CCDC88A: variants seen among roughly 807,000 people sequenced by gnomAD.
CCDC88A encodes girdin.
A neutral mutation model predicts 234.3 loss-of-function variants in CCDC88A; 54 were observed. The ratio of observed to expected loss-of-function variants is 0.23; its 90% CI spans 0.19 to 0.29. The LOEUF (loss-of-function observed/expected upper bound fraction) is 0.29, where lower values mean the gene tolerates loss of function less well. CCDC88A is among the 10% of genes least tolerant of loss of function. The pLI, the probability that CCDC88A is intolerant of heterozygous loss-of-function variation, is 1.00. For synonymous variants in CCDC88A, 753 were observed against 737.8 expected, an observed-to-expected ratio of 1.02 and a Z score of -0.33; for missense variants, 1,832 against 2,123.4, an observed-to-expected ratio of 0.86 and a Z score of 2.70.
intron 2 of CCDC88A, 62 bp from the exon 3 acceptor site, chr2:55,388,948 T>C (rs1383898780): frequency 2.1e-6 from 1 of 478,956 alleles, no homozygotes; most frequent in Non-Finnish European, 3.6e-6. Context: ...CTATATATAA[T>C]TAAAATTAAT....
At chr2:55,381,837 C>A (rs1674657818) in intron 3 of CCDC88A, among the ~76,000 whole-genome samples, 1 of 152,148 alleles carries the variant, frequency 6.6e-6, no homozygotes, top group South Asian at 2.1e-4. Context: ...AACACTGTTA[C>A]TAAAACTGCA....
In CCDC88A at chr2:55,343,668, CTGG is replaced by C; in HGVS notation, c.1310_1312del (p.Ser437_Arg438delinsTer). The C allele has an allele frequency of 6.2e-7, 1 of 1,607,776 alleles. No individual in the cohort carries two copies. Among genetic ancestry groups the C allele is most frequent in the Non-Finnish European group, 8.5e-7 (1 of 1,177,668 alleles). On this transcript the variant is annotated stop_gained and inframe_deletion, in exon 12 of 33. Transcript: ENST00000436346. LOFTEE classifies it high-confidence loss of function. ...AATACCTTCGGAAAGTTCACTAGTT[CTGG>C]ATATCTGTTCCAGTTCCCAGCCAAG...
intron 5 of CCDC88A, among the ~76,000 whole-genome samples, chr2:55,367,193 G>C (rs1285756069): frequency 3.3e-5 from 5 of 152,132 alleles, no homozygotes; most frequent in Non-Finnish European, 5.9e-5. Flanking sequence ...GAGGTACCTA[G>C]AACAATCGAA....
rs1290479613 is a variant in CCDC88A at position 55,295,826 on chromosome 2, T to C, written c.5322A>G (p.Thr1774=). 6.2e-7 allele frequency: 1 copy of C among 1,614,092 alleles called. No individual in the cohort carries two copies. Among genetic ancestry groups the C allele is most frequent in the South Asian group, 1.1e-5 (1 of 91,074 alleles). Residue 1774 remains threonine (T), a synonymous_variant, in exon 31 of 33, where the codon ACA becomes ACG. Coordinates refer to ENST00000436346, the MANE Select transcript of CCDC88A (RefSeq NM_001365480.1). ...TYFISSAGKP[T]PGTQGKIKLV... is the part of the protein sequence containing the mutation. Reference sequence around the variant, plus strand: ...ATTTTATTTTTCCTTGAGTGCCTGGTGTAGGTTTTCCCGCAGAACTAATGA... The same window carrying C: ...ATTTTATTTTTCCTTGAGTGCCTGGCGTAGGTTTTCCCGCAGAACTAATGA...
chr2:55,341,376 GATCTGCCCGCCTCGGCCTCCC>G (rs1165196574), intron 12 of CCDC88A, among the ~76,000 whole-genome samples: 1 of 151,320 alleles, frequency 6.6e-6, no homozygotes, highest in Non-Finnish European at 1.5e-5. Context: ...TTGACCTCGT[GATCTGCCCGCCTCGGCCTCCC>G]AGAGTGCTGG....
intron 4 of CCDC88A, among the ~76,000 whole-genome samples, chr2:55,373,994 T>A (rs982135684): frequency 1.1e-4 from 16 of 152,204 alleles, no homozygotes; most frequent in Admixed American, 5.9e-4. Context: ...AAATGTGGTA[T>A]AAAGGGCAGA....
intron 5 of CCDC88A, among the ~76,000 whole-genome samples, chr2:55,370,641 CAAAA>C (rs567431857): frequency 1.1e-4 from 5 of 47,530 alleles, no homozygotes; most frequent in Non-Finnish European, 1.3e-4. Context: ...AACTCTGTCT[CAAAA>C]AAAAAAAAAA....
chr2:55,418,987 A>G, intron 1 of CCDC88A, 30 bp downstream of exon 1: 2 of 1,604,690 alleles, frequency 1.2e-6, no homozygotes, highest in Non-Finnish European at 8.5e-7. Flanking sequence ...ATAACTCAGC[A>G]AAATATACAA....
intron 27 of CCDC88A, chr2:55,301,516 T>A (rs1189498057): frequency 2.0e-6 from 1 of 505,906 alleles, no homozygotes; most frequent in Non-Finnish European, 3.4e-6. Flanking sequence ...CCTCTGACCC[T>A]GCAAAGCAAA....
At chr2:55,341,140 CTTTTTTTTTTTT>C (rs562623314) in intron 12 of CCDC88A, among the ~76,000 whole-genome samples, 4 of 81,364 alleles carry the variant, frequency 4.9e-5, no homozygotes, top group Non-Finnish European at 1.0e-4. Context: ...GAATTTCTTT[CTTTTTTTTTTTT>C]TTTTTTTTTT....
chr2:55,312,591 C>A lies in CCDC88A; in HGVS notation c.3934-12G>T. On this transcript the variant is annotated splice_polypyrimidine_tract_variant and intron_variant, in intron 22 of 32. Transcript: ENST00000436346. Reference sequence around the variant, plus strand: ...AGTTGGCTTAGCAACTGTTTAAACACAAACATTTTTTAAAAAATCAACATT... The same window carrying A: ...AGTTGGCTTAGCAACTGTTTAAACAAAAACATTTTTTAAAAAATCAACATT... 6.3e-7 allele frequency: 1 copy of A among 1,584,088 alleles called. No homozygotes were observed. Among genetic ancestry groups the A allele is most frequent in the Admixed American group, 1.8e-5 (1 of 56,978 alleles).
At chr2:55,321,686 T>C (rs1683654575) in intron 18 of CCDC88A, among the ~76,000 whole-genome samples, 1 of 152,114 alleles carries the variant, frequency 6.6e-6, no homozygotes, top group South Asian at 2.1e-4. Context: ...TTGAGACATC[T>C]CCAATATAAT....
At chr2:55,350,120 T>C (rs1199171515) in intron 8 of CCDC88A, 2 of 152,430 alleles carry the variant, frequency 1.3e-5, no homozygotes, top group Admixed American at 1.3e-4. Flanking sequence ...GGTTTCACCA[T>C]GTTACTCAGG....
Position 55,309,108 on chromosome 2 carries a change from ATAACC to A in CCDC88A, c.4172+49_4172+53del. The A allele has an allele frequency of 7.0e-7, 1 of 1,434,126 alleles. No individual in the cohort carries two copies. The highest frequency in any genetic ancestry group is 1.4e-5 in the African/African-American group (1 of 70,800). The allele number at this position is 1,434,126 out of a possible 1,614,324, so 88.8% of individuals were successfully genotyped here. ...AGTAGAAGTCATCACAATATTAGAA[ATAACC>A]TAGTGTTTTTTTTCAGAATAAGAAT... On this transcript the variant is annotated intron_variant, in intron 24 of 32. Coordinates refer to ENST00000436346, the MANE Select transcript of CCDC88A (RefSeq NM_001365480.1). This position sits in a 1 kb window ranked among gnomAD's most constrained non-coding sequence, Gnocchi z 5.1.
At chr2:55,298,779 G>A (rs1005266080) in intron 29 of CCDC88A, among the ~76,000 whole-genome samples, 21 of 150,210 alleles carry the variant, frequency 1.4e-4, no homozygotes, top group African/African-American at 4.9e-4. Flanking sequence ...GGAGGCTGAC[G>A]TGGTAGGATC....
At chr2:55,307,261 G>C (rs1253634574) in intron 25 of CCDC88A, among the ~76,000 whole-genome samples, 1 of 152,084 alleles carries the variant, frequency 6.6e-6, no homozygotes, top group African/African-American at 2.4e-5. Context: ...GAAATTAAAA[G>C]GTTATAATTG....
At position 55,419,295 on chromosome 2, in the gene CCDC88A, G is replaced by A. The variant is rs926788890; in HGVS notation, c.-216C>T. On this transcript the variant is annotated 5_prime_UTR_variant, in exon 1 of 33. Transcript: ENST00000436346. The stretch of plus-strand genomic sequence containing the variant: ...AAGTGGCTTCGACGACGGACACCAC[G>A]AGCAGCAGCCTGCGCTGGAAATGTC... 3.7e-6 allele frequency: 2 copies of A among 538,528 alleles called. No individual in the cohort carries two copies. The highest frequency in any genetic ancestry group is 1.9e-5 in the African/African-American group (1 of 52,510). 33.4% of individuals were successfully genotyped at this position (538,528 alleles called of 1,614,324 possible). A position where few individuals can be genotyped will look rare whatever the true frequency, so the allele number is the denominator to read the frequency against.
chr2:55,329,879 C>G (rs1684713456), intron 16 of CCDC88A: 1 of 152,202 alleles, frequency 6.6e-6, no homozygotes. Context: ...TGTTTCTCGG[C>G]CTCCTGAGTA....
At chr2:55,319,834 C>T (rs1158497510) in intron 18 of CCDC88A, among the ~76,000 whole-genome samples, 2 of 151,988 alleles carry the variant, frequency 1.3e-5, no homozygotes. Context: ...AAACAAAGAA[C>T]CCTCCAGAAA....
Sources: allele counts gnomAD v4.1 joint callset (sites outside exome capture counted in the v4.1 genomes callset), GRCh38; gene constraint gnomAD v4.1.1; non-coding constraint Gnocchi (gnomAD v3.1); transcripts MANE v1.5; gene names NCBI Gene and HGNC (gene_info 2026-07-23, HGNC 2026-07-21).